ATP8A2: variants seen among roughly 807,000 people sequenced by gnomAD.
ATP8A2 encodes the protein phospholipid-transporting ATPase IB.
ATP8A2 carries 100 observed loss-of-function variants against 165.6 expected under a neutral mutation model. The ratio of observed to expected loss-of-function variants is 0.60; its 90% CI spans 0.51 to 0.71. The LOEUF is 0.71. Among genes scored for constraint, ATP8A2 ranks in the 30% least tolerant of loss-of-function variants. ATP8A2 has a pLI of 0.00. For synonymous variants in ATP8A2, 543 were observed against 548.8 expected (o/e 0.99, Z 0.15); for missense variants, 1,227 against 1,479.5 (o/e 0.83, Z 2.80).
At chr13:25,688,142 C>T (rs898040660) in intron 24 of ATP8A2, among the ~76,000 whole-genome samples, 3 of 151,498 alleles carry the variant, frequency 2.0e-5, no homozygotes, top group South Asian at 2.1e-4. Flanking sequence ...GCTGTTGTGT[C>T]GCTGTTTCAT....
At chr13:25,400,005 C>G (rs534660174) in intron 1 of ATP8A2, among the ~76,000 whole-genome samples, 2 of 10,530 alleles carry the variant, frequency 1.9e-4, no homozygotes, top group East Asian at 0.02. Context: ...TCACTGCAGC[C>G]TTGAACTCTT....
intron 27 of ATP8A2, among the ~76,000 whole-genome samples, chr13:25,783,177 C>CT (rs752053290): frequency 5.2e-4 from 79 of 152,284 alleles, no homozygotes; most frequent in Admixed American, 1.1e-3. Flanking sequence ...GCTCTGATGG[C>CT]TGTGTGCACA....
chr13:25,827,246 G>C (rs1349039776), intron 27 of ATP8A2, among the ~76,000 whole-genome samples: 1 of 151,996 alleles, frequency 6.6e-6, no homozygotes, highest in African/African-American at 2.4e-5. Flanking sequence ...CGAGTAGCTG[G>C]GATTACAGGT....
chr13:25,792,942 AAAGGAAGGAAAG>A (rs2045217602), intron 27 of ATP8A2, among the ~76,000 whole-genome samples: 1 of 150,028 alleles, frequency 6.7e-6, no homozygotes, highest in East Asian at 2.0e-4. Context: ...GAGAAAGAAG[AAAGGAAGGAAAG>A]AAGGAAGGAA....
chr13:25,765,136 A>C (rs1353951956), intron 25 of ATP8A2, among the ~76,000 whole-genome samples: 1 of 152,236 alleles, frequency 6.6e-6, no homozygotes, highest in Non-Finnish European at 1.5e-5. Flanking sequence ...ATACTCCAGG[A>C]ACTGATTTTT....
At chr13:25,383,944 C>T (rs963559549) in intron 1 of ATP8A2, among the ~76,000 whole-genome samples, 2 of 152,142 alleles carry the variant, frequency 1.3e-5, no homozygotes, top group Non-Finnish European at 2.9e-5. Context: ...TTTCTTTACT[C>T]AGCTGTGCTT....
intron 30 of ATP8A2, among the ~76,000 whole-genome samples, chr13:25,848,362 A>T (rs538862392): frequency 6.6e-6 from 1 of 152,340 alleles, no homozygotes; most frequent in South Asian, 2.1e-4. Context: ...GCAGGAAGAG[A>T]TCCATCAGTT....
rs1957156818 is a variant in ATP8A2, at chr13:26,025,743, G to A, written c.*5758G>A. Reference sequence around the variant, plus strand: ...GAATACAAACGGAGGGCATCTACTTGTATTTTTAGAAGTTTTGGGAGAATT... The same window carrying A: ...GAATACAAACGGAGGGCATCTACTTATATTTTTAGAAGTTTTGGGAGAATT... On this transcript the variant is annotated 3_prime_UTR_variant, in exon 37 of 37. Coordinates refer to ENST00000381655, the MANE Select transcript of ATP8A2 (RefSeq NM_016529.6). 1 of 152,182 alleles carries A rather than the reference G, an allele frequency of 6.6e-6. No homozygotes were observed. Among genetic ancestry groups the A allele is most frequent in the South Asian group, 2.1e-4 (1 of 4,826 alleles). 9.4% of individuals were successfully genotyped at this position (152,182 alleles called of 1,614,324 possible). A position where few individuals can be genotyped will look rare whatever the true frequency, so the allele number is the denominator to read the frequency against.
At chr13:25,887,558 G>A (rs1953197188) in intron 33 of ATP8A2, among the ~76,000 whole-genome samples, 1 of 152,092 alleles carries the variant, frequency 6.6e-6, no homozygotes, top group African/African-American at 2.4e-5. Context: ...GGCTGGTCTT[G>A]AGCTCCTGAC....
intron 1 of ATP8A2, among the ~76,000 whole-genome samples, chr13:25,457,008 T>C (rs1195750384): frequency 6.6e-6 from 1 of 152,094 alleles, no homozygotes; most frequent in Non-Finnish European, 1.5e-5. Context: ...CAAAAACTCA[T>C]CATGTTTTAA....
intron 27 of ATP8A2, among the ~76,000 whole-genome samples, chr13:25,820,125 C>A (rs1951137729): frequency 6.6e-6 from 1 of 152,184 alleles, no homozygotes; most frequent in Non-Finnish European, 1.5e-5. Flanking sequence ...GCAGGTACAA[C>A]CCGCCGAGGT....
At chr13:25,934,720 T>C (rs1334309470) in intron 33 of ATP8A2, among the ~76,000 whole-genome samples, 2 of 152,152 alleles carry the variant, frequency 1.3e-5, no homozygotes, top group Non-Finnish European at 2.9e-5. Flanking sequence ...CTGGAGAAGC[T>C]CAGGCAGTGT....
chr13:25,934,005 A>G (rs1217182803), intron 33 of ATP8A2, among the ~76,000 whole-genome samples: 1 of 152,196 alleles, frequency 6.6e-6, no homozygotes, highest in African/African-American at 2.4e-5. Flanking sequence ...CCTAGAATGT[A>G]TGCTTGTAGC....
At chr13:25,378,409 A>G (rs573530265) in intron 1 of ATP8A2, among the ~76,000 whole-genome samples, 11 of 152,102 alleles carry the variant, frequency 7.2e-5, no homozygotes, top group Admixed American at 5.9e-4. Flanking sequence ...TTTCCATCAC[A>G]ATCATTCCCA....
chr13:25,618,793 G>A (rs954108610), intron 24 of ATP8A2, among the ~76,000 whole-genome samples: 1 of 151,558 alleles, frequency 6.6e-6, no homozygotes, highest in Non-Finnish European at 1.5e-5. Context: ...ACTTTGCAGG[G>A]TCACATAGAA....
At chr13:25,538,132 G>C (rs1032029053) in intron 7 of ATP8A2, 71 bp downstream of exon 7, 173 of 1,197,166 alleles carry the variant, frequency 1.4e-4, no homozygotes, top group Middle Eastern at 5.9e-4. Flanking sequence ...CAGCACCTGG[G>C]GCAGTCTTGA....
chr13:25,960,294 T>C (rs943669281), intron 33 of ATP8A2, among the ~76,000 whole-genome samples: 14 of 152,180 alleles, frequency 9.2e-5, no homozygotes, highest in Non-Finnish European at 1.5e-4. Flanking sequence ...GGGTTGACTC[T>C]TGGATGCCAG....
intron 1 of ATP8A2, among the ~76,000 whole-genome samples, chr13:25,379,751 C>T (rs2032771495): frequency 6.6e-6 from 1 of 152,160 alleles, no homozygotes; most frequent in Admixed American, 6.5e-5. Context: ...AGATAGTGTG[C>T]CGTTTCTGCT....
At position 25,427,487 on chromosome 13, in the gene ATP8A2, C is replaced by T. The variant is rs190720536; in HGVS notation, c.77-41490C>T. On this transcript the variant is annotated intron_variant, in intron 1 of 36. Coordinates refer to ENST00000381655, the MANE Select transcript of ATP8A2 (RefSeq NM_016529.6). ...TCATCCTGAAACTATCCCTCCACGC[C>T]CGGGTCATGGGAAAATTGTCTTACA... Among the ~76,000 whole-genome samples the T allele has an allele frequency of 1.3e-3, 197 of 152,160 alleles. 3 individuals carry two copies. The highest frequency in any genetic ancestry group is 4.5e-3 in the African/African-American group (185 of 41,502).
Sources: gnomAD v4.1 joint callset for allele counts (sites outside exome capture counted in the v4.1 genomes callset) on GRCh38, gnomAD v4.1.1 for gene constraint, MANE v1.5 for transcripts, NCBI Gene and HGNC (gene_info 2026-07-23, HGNC 2026-07-21) for gene names.